SEMA3A: variants seen among roughly 807,000 people sequenced by gnomAD.
SEMA3A encodes the protein semaphorin 3A.
In SEMA3A, 29 loss-of-function variants were observed where a neutral mutation model predicts 97.9. That is an observed-to-expected ratio of 0.30 (90% confidence interval 0.22 to 0.40). SEMA3A has a LOEUF of 0.40. SEMA3A is among the 10% of genes least tolerant of loss of function. The probability of loss-of-function intolerance (pLI) is 1.00; values close to 1 mark genes in which losing one functional copy is unlikely to be tolerated. For synonymous variants in SEMA3A, 321 were observed against 323.7 expected, an observed-to-expected ratio of 0.99 and a Z score of 0.09; for missense variants, 763 against 951.3, an observed-to-expected ratio of 0.80 and a Z score of 2.60.
chr7:84,283,736 A>G (rs1800512247), intron 3 of SEMA3A, among the ~76,000 whole-genome samples: 1 of 152,172 alleles, frequency 6.6e-6, no homozygotes, highest in Non-Finnish European at 1.5e-5. Flanking sequence ...TTACTAGTTT[A>G]AAAGTAAATG....
At chr7:84,333,664 T>C (rs539381888) in intron 2 of SEMA3A, among the ~76,000 whole-genome samples, 74 of 152,296 alleles carry the variant, frequency 4.9e-4, no homozygotes, top group African/African-American at 1.7e-3. Context: ...TGTGCTAATT[T>C]TGAAATATTT....
chr7:84,210,562 C>T (rs1467018625), intron 3 of SEMA3A, among the ~76,000 whole-genome samples: 1 of 152,076 alleles, frequency 6.6e-6, no homozygotes, highest in East Asian at 1.9e-4. Context: ...TATAGTCATG[C>T]TTGTAACTGT....
At chr7:84,054,078 A>G (rs1399427835) in intron 5 of SEMA3A, among the ~76,000 whole-genome samples, 5 of 151,736 alleles carry the variant, frequency 3.3e-5, no homozygotes, top group African/African-American at 1.2e-4. Flanking sequence ...CTGCTGAGAG[A>G]TCCGCTGTTA....
chr7:84,402,668 T>C (rs1410959603), intron 1 of SEMA3A, among the ~76,000 whole-genome samples: 1 of 152,170 alleles, frequency 6.6e-6, no homozygotes, highest in East Asian at 1.9e-4. Context: ...AAAAAGAATA[T>C]TATTATTAAT....
intron 3 of SEMA3A, among the ~76,000 whole-genome samples, chr7:84,275,891 G>A (rs192134529): frequency 6.6e-6 from 1 of 151,944 alleles, no homozygotes; most frequent in African/African-American, 2.4e-5. Flanking sequence ...TGTTTAGTGT[G>A]GCATATAGAT....
At chr7:84,095,229 TTATA>T (rs1206910715) in intron 4 of SEMA3A, among the ~76,000 whole-genome samples, 1 of 145,082 alleles carries the variant, frequency 6.9e-6, no homozygotes, top group Non-Finnish European at 1.5e-5. Flanking sequence ...ATATATTACA[TTATA>T]TATAAATATA....
intron 4 of SEMA3A, among the ~76,000 whole-genome samples, chr7:84,079,241 T>G (rs1359894851): frequency 6.6e-6 from 1 of 151,980 alleles, no homozygotes; most frequent in Non-Finnish European, 1.5e-5. Context: ...CCTAAAACCA[T>G]AAAAACCCTA....
At chr7:84,346,599 G>T (rs1802306240) in intron 2 of SEMA3A, among the ~76,000 whole-genome samples, 1 of 152,122 alleles carries the variant, frequency 6.6e-6, no homozygotes, top group Non-Finnish European at 1.5e-5. Flanking sequence ...ATAAATGGCT[G>T]GTCGGTGGAG....
At chr7:84,086,563 A>ATATTATATTTAAATATAT (rs1562770363) in intron 4 of SEMA3A, among the ~76,000 whole-genome samples, 1 of 53,478 alleles carries the variant, frequency 1.9e-5, no homozygotes, top group African/African-American at 3.7e-5. Context: ...ATATATTATT[A>ATATTATATTTAAATATAT]TATTATATTT....
intron 1 of SEMA3A, among the ~76,000 whole-genome samples, chr7:84,421,429 G>C (rs1207792186): frequency 6.6e-6 from 1 of 151,996 alleles, no homozygotes; most frequent in East Asian, 1.9e-4. Context: ...AGAGATACAA[G>C]AAAATATATC....
At chr7:84,420,730 G>C (rs903154000) in intron 1 of SEMA3A, among the ~76,000 whole-genome samples, 1 of 152,050 alleles carries the variant, frequency 6.6e-6, no homozygotes, top group Non-Finnish European at 1.5e-5. Context: ...GGGTGTATGT[G>C]TCCAGGAATT....
At chr7:84,183,627 T>C (rs35157722) in intron 1 of SEMA3A, among the ~76,000 whole-genome samples, 9,618 of 152,146 alleles carry the variant, frequency 0.063, 352 homozygotes, top group African/African-American at 0.093. Context: ...GAGTATGACC[T>C]ATCATTCAAT....
intron 1 of SEMA3A, among the ~76,000 whole-genome samples, chr7:84,164,970 G>A (rs1412308928): frequency 6.6e-6 from 1 of 152,124 alleles, no homozygotes; most frequent in Non-Finnish European, 1.5e-5. Context: ...CACTTTGGGA[G>A]GCCGAAGTGG....
intron 1 of SEMA3A, among the ~76,000 whole-genome samples, chr7:84,452,937 T>C (rs1349844068): frequency 6.6e-6 from 1 of 152,192 alleles, no homozygotes; most frequent in Non-Finnish European, 1.5e-5. Flanking sequence ...AGTAAATCTT[T>C]ATACACTGTC....
At chr7:84,034,227 G>T (rs545865093) in intron 6 of SEMA3A, among the ~76,000 whole-genome samples, 2 of 151,998 alleles carry the variant, frequency 1.3e-5, no homozygotes, top group Non-Finnish European at 2.9e-5. Context: ...CAAGGGATCC[G>T]CCTGCCTCGG....
chr7:84,184,913 A>G (rs1797833792), intron 1 of SEMA3A, among the ~76,000 whole-genome samples: 1 of 152,142 alleles, frequency 6.6e-6, no homozygotes, highest in Non-Finnish European at 1.5e-5. Context: ...AACATTGAAC[A>G]ATGGAACGTG....
chr7:83,960,947 G>A lies in SEMA3A; in HGVS notation c.*424C>T, dbSNP rs190258680. The A allele has an allele frequency of 2.6e-3, 468 of 180,296 alleles. 3 individuals carry two copies. The highest frequency in any genetic ancestry group is 4.6e-3 in the Non-Finnish European group (392 of 84,420). 11.2% of individuals were successfully genotyped at this position (180,296 alleles called of 1,614,324 possible). A position where few individuals can be genotyped will look rare whatever the true frequency, so the allele number is the denominator to read the frequency against. On this transcript the variant is annotated 3_prime_UTR_variant, in exon 17 of 17. Transcript: ENST00000265362. ...AAAATATATCCTTGAATCCAACCAC[G>A]TTTTGGAATATTCATCAGCTTAGTA... is the stretch of plus-strand genomic sequence containing the variant.
At chr7:84,321,981 C>T (rs552895080) in intron 2 of SEMA3A, among the ~76,000 whole-genome samples, 61 of 150,806 alleles carry the variant, frequency 4.0e-4, no homozygotes, top group Non-Finnish European at 7.7e-4. Flanking sequence ...CTCACAGTTC[C>T]GCATGGCTGG....
chr7:84,478,893 A>C (rs1467033927), intron 1 of SEMA3A, among the ~76,000 whole-genome samples: 3 of 152,114 alleles, frequency 2.0e-5, no homozygotes, highest in Non-Finnish European at 2.9e-5. Flanking sequence ...TCTAAGTTAA[A>C]TAGAAGGTGA....
Sources: gnomAD v4.1 joint callset for allele counts (sites outside exome capture counted in the v4.1 genomes callset) on GRCh38, gnomAD v4.1.1 for gene constraint, MANE v1.5 for transcripts, NCBI Gene and HGNC (gene_info 2026-07-23, HGNC 2026-07-21) for gene names.